The following FAM149A variants were observed in gnomAD, a reference collection of about 807,000 sequenced individuals.
FAM149A encodes protein FAM149A.
A neutral mutation model predicts 78.2 loss-of-function variants in FAM149A; 71 were observed. The observed-to-expected ratio is 0.91, with a 90% CI of 0.75 to 1.11. The LOEUF (loss-of-function observed/expected upper bound fraction) is 1.11, where lower values mean the gene tolerates loss of function less well. Among genes scored for constraint, FAM149A ranks in the 50% least tolerant of loss-of-function variants. The pLI is 0.00. For synonymous variants in FAM149A, 446 were observed against 410.5 expected (o/e 1.09, Z -1.04); for missense variants, 1,036 against 971.0 (o/e 1.07, Z -0.89).
At chr4:186,135,547 C>T (rs971983643) in intron 1 of FAM149A, among the ~76,000 whole-genome samples, 1 of 152,160 alleles carries the variant, frequency 6.6e-6, no homozygotes, top group Non-Finnish European at 1.5e-5. Context: ...GATACCTGAG[C>T]TTGTCTAATG....
At position 186,152,051 on chromosome 4, in the gene FAM149A, A is replaced by AC; in HGVS notation, c.932+8dup. ...AGAAGATCCCTCCATTTGAGGTGGG[A>AC]CCTTGGTGGTGGAAGTTCTCTGGGG... On this transcript the variant is annotated splice_region_variant and intron_variant, in intron 4 of 13. Transcript: ENST00000389354. 1 of 1,613,258 alleles carries AC rather than the reference A, an allele frequency of 6.2e-7. No homozygotes were observed. Among genetic ancestry groups the AC allele is most frequent in the Non-Finnish European group, 8.5e-7 (1 of 1,179,938 alleles).
At chr4:186,169,519 C>T in intron 13 of FAM149A, 1 of 985,026 alleles carries the variant, frequency 1.0e-6, no homozygotes, top group Non-Finnish European at 1.2e-6. Flanking sequence ...CTCTTTCTTT[C>T]CTCCTGAGCA....
intron 8 of FAM149A, chr4:186,158,561 A>AG (rs919221497): frequency 2.4e-5 from 26 of 1,081,804 alleles, no homozygotes; most frequent in Non-Finnish European, 2.9e-5. Flanking sequence ...GGGGAGTTTC[A>AG]GGGGAACAGA....
intron 1 of FAM149A, chr4:186,116,339 G>T: frequency 2.5e-6 from 1 of 393,136 alleles, no homozygotes; most frequent in Non-Finnish European, 3.5e-6. Context: ...TGGAAATGCA[G>T]AAATCACCCG....
At chr4:186,167,752 G>A (rs959614921) in intron 13 of FAM149A, 4 of 228,622 alleles carry the variant, frequency 1.7e-5, no homozygotes, top group South Asian at 6.1e-5. Context: ...GTTTGAATAC[G>A]GGCCAGTGAT....
intron 11 of FAM149A, among the ~76,000 whole-genome samples, chr4:186,166,196 G>A (rs998791900): frequency 6.6e-6 from 1 of 152,044 alleles, no homozygotes. Context: ...AACACAGAAG[G>A]ACCCCTGTTG....
chr4:186,126,126 A>G, intron 1 of FAM149A: 2 of 983,424 alleles, frequency 2.0e-6, no homozygotes, highest in Non-Finnish European at 2.4e-6. Flanking sequence ...AAATCCTTTC[A>G]TTAGTATCAT....
chr4:186,108,381 A>T (rs1036783545), intron 1 of FAM149A, among the ~76,000 whole-genome samples: 1 of 151,748 alleles, frequency 6.6e-6, no homozygotes, highest in Non-Finnish European at 1.5e-5. Context: ...TAACGCATAC[A>T]TTTTACATTT....
chr4:186,116,526 A>T, intron 1 of FAM149A: 1 of 985,348 alleles, frequency 1.0e-6, no homozygotes, highest in Non-Finnish European at 1.2e-6. Context: ...ACCCGAGAAA[A>T]CAATTTTGTT....
At position 186,144,126 on chromosome 4, in the gene FAM149A, A is replaced by G. The variant is rs1342978732; in HGVS notation, c.567-5047A>G. On this transcript the variant is annotated intron_variant, in intron 1 of 13. Coordinates refer to ENST00000389354, the MANE Select transcript of FAM149A (RefSeq NM_001367768.3). This position sits in a 1 kb window ranked among gnomAD's most constrained non-coding sequence, Gnocchi z 4.2. ...TGCAGTGCCCACCCTCTGAGACTCA[A>G]AAATGTAGTTCACCTCCGCGACCTC... 6.6e-6 allele frequency: 1 copy of G among 152,226 alleles called. No individual in the cohort carries two copies. Among genetic ancestry groups the G allele is most frequent in the Non-Finnish European group, 1.5e-5 (1 of 68,070 alleles). 9.4% of individuals were successfully genotyped at this position (152,226 alleles called of 1,614,324 possible). A position where few individuals can be genotyped will look rare whatever the true frequency, so the allele number is the denominator to read the frequency against.
intron 1 of FAM149A, chr4:186,117,622 CT>C (rs1048592336): frequency 1.0e-6 from 1 of 985,294 alleles, no homozygotes; most frequent in African/African-American, 1.7e-5. Flanking sequence ...TGGCGTGAGG[CT>C]TTCCATTTGT....
Position 186,144,447 on chromosome 4 carries a change from T to C in FAM149A, c.567-4726T>C, listed in dbSNP as rs1351005211. On this transcript the variant is annotated intron_variant, in intron 1 of 13. Transcript: ENST00000389354. This position sits in a 1 kb window ranked among gnomAD's most constrained non-coding sequence, Gnocchi z 4.2. ...TGACCAGATCCGGGGCTTCATTTTTTAAACCTCATTCGTCCACTCCCCACC... is the reference window on the plus strand; with the variant it reads ...TGACCAGATCCGGGGCTTCATTTTTCAAACCTCATTCGTCCACTCCCCACC... The C allele has an allele frequency of 6.6e-6, 1 of 152,436 alleles. No individual in the cohort carries two copies. Among genetic ancestry groups the C allele is most frequent in the Non-Finnish European group, 1.5e-5 (1 of 68,200 alleles). 9.4% of individuals were successfully genotyped at this position (152,436 alleles called of 1,614,324 possible).
chr4:186,136,036 A>G (rs964758864), intron 1 of FAM149A, among the ~76,000 whole-genome samples: 5 of 152,340 alleles, frequency 3.3e-5, no homozygotes, highest in Admixed American at 6.5e-5. Flanking sequence ...AATAAGGATC[A>G]ATTGCATCTT....
chr4:186,118,192 A>G (rs2099314515), intron 1 of FAM149A: 1 of 985,444 alleles, frequency 1.0e-6, no homozygotes, highest in Non-Finnish European at 1.2e-6. Flanking sequence ...AACAGATGAC[A>G]TCACACACCA....
intron 2 of FAM149A, 75 bp from the exon 3 acceptor site, chr4:186,149,491 C>T (rs1052572280): frequency 2.4e-6 from 3 of 1,252,220 alleles, no homozygotes; most frequent in East Asian, 5.7e-5. Flanking sequence ...GAAGCAGGCT[C>T]AGAAAAGTGA....
chr4:186,117,158 T>C (rs1190219170), intron 1 of FAM149A, among the ~76,000 whole-genome samples: 1 of 152,156 alleles, frequency 6.6e-6, no homozygotes, highest in Non-Finnish European at 1.5e-5. Context: ...ACATAAGCAC[T>C]TAATAAATAT....
Position 186,154,529 on chromosome 4 carries a change from C to T in FAM149A, c.1120C>T (p.Pro374Ser), listed in dbSNP as rs948530765. ...ACTCTCAGCCTCTGCCCTGCCAGGC[C>T]CTGATGACACAGGGGTTGCTGACCT... The change falls in exon 6 of 14, where the codon CCT becomes TCT. Residue 374 changes from proline to serine, a missense_variant. By Grantham distance (74) the Pro-to-Ser change is moderately conservative. Transcript: ENST00000389354. The T allele has an allele frequency of 6.2e-7, 1 of 1,613,938 alleles. No homozygotes were observed. Among genetic ancestry groups the T allele is most frequent in the African/African-American group, 1.3e-5 (1 of 74,892 alleles).
At chr4:186,124,037 G>A in intron 1 of FAM149A, 1 of 981,090 alleles carries the variant, frequency 1.0e-6, no homozygotes, top group South Asian at 4.8e-5. Context: ...TGAGAAACTT[G>A]GTAGTGGGTG....
chr4:186,137,675 C>T (rs2099324056), intron 1 of FAM149A, among the ~76,000 whole-genome samples: 2 of 151,830 alleles, frequency 1.3e-5, no homozygotes, highest in African/African-American at 4.8e-5. Context: ...TTCAATATTA[C>T]ATGCAGCCTT....
Sources: allele counts gnomAD v4.1 joint callset (sites outside exome capture counted in the v4.1 genomes callset), GRCh38; gene constraint gnomAD v4.1.1; non-coding constraint Gnocchi (gnomAD v3.1); transcripts MANE v1.5; gene names NCBI Gene and HGNC (gene_info 2026-07-23, HGNC 2026-07-21).